The following CLYBL variants were observed in gnomAD, a reference collection of about 807,000 sequenced individuals.
CLYBL encodes citramalyl-CoA lyase, mitochondrial.
A neutral mutation model predicts 38.9 loss-of-function variants in CLYBL; 31 were observed. That is an observed-to-expected ratio of 0.80 (90% CI 0.60 to 1.08). The LOEUF (loss-of-function observed/expected upper bound fraction) is 1.08. CLYBL is among the 50% of genes least tolerant of loss of function. CLYBL has a pLI of 0.00. For missense variants in CLYBL, 434 were observed against 411.6 expected, an observed-to-expected ratio of 1.05 and a Z score of -0.47; for synonymous variants, 171 against 158.6, an observed-to-expected ratio of 1.08 and a Z score of -0.59.
At chr13:99,885,175 C>T (rs2052319628) in intron 7 of CLYBL, 1 of 482,600 alleles carries the variant, frequency 2.1e-6, no homozygotes, top group Admixed American at 2.3e-5. Flanking sequence ...TAAACAAATA[C>T]TCTCACTAGA....
At chr13:99,863,329 G>T (rs2051656153) in intron 4 of CLYBL, among the ~76,000 whole-genome samples, 3 of 152,180 alleles carry the variant, frequency 2.0e-5, no homozygotes, top group African/African-American at 7.2e-5. Context: ...ATATTTAAAT[G>T]AAGCATTTGT....
intron 1 of CLYBL, among the ~76,000 whole-genome samples, chr13:99,733,050 A>G (rs1465244189): frequency 6.6e-6 from 1 of 152,246 alleles, no homozygotes; most frequent in African/African-American, 2.4e-5. Flanking sequence ...TCATGTATAT[A>G]TTTAATTCGC....
intron 2 of CLYBL, among the ~76,000 whole-genome samples, chr13:99,836,708 C>G (rs1191384057): frequency 1.3e-5 from 2 of 152,212 alleles, no homozygotes; most frequent in African/African-American, 4.8e-5. Flanking sequence ...AACAATGCCA[C>G]TTAAATCATT....
At position 99,864,871 on chromosome 13, in the gene CLYBL, T is replaced by C. The variant is rs750840828; in HGVS notation, c.594T>C (p.Asp198=). 1 of 1,614,080 alleles carries C rather than the reference T, an allele frequency of 6.2e-7. No individual in the cohort carries two copies. Among genetic ancestry groups the C allele is most frequent in the Non-Finnish European group, 8.5e-7 (1 of 1,179,954 alleles). The change falls in exon 5 of 9, where the codon GAT becomes GAC. Residue 198 remains aspartate (D), a synonymous_variant. Transcript: ENST00000339105. ...GGCCTCAAGTAGGTCTCTTTCTAGA[T>C]GCAGTCGTTTTTGGAGGAGAAGACT... ...KVGPQVGLFL[D]AVVFGGEDFR...
chr13:99,707,338 C>T (rs537269366), intron 1 of CLYBL, among the ~76,000 whole-genome samples: 2 of 152,130 alleles, frequency 1.3e-5, no homozygotes, highest in African/African-American at 2.4e-5. Context: ...GGTGCGATCT[C>T]GGCTCACTGC....
chr13:99,696,628 C>G (rs976081522), intron 1 of CLYBL, among the ~76,000 whole-genome samples: 1 of 151,790 alleles, frequency 6.6e-6, no homozygotes, highest in Non-Finnish European at 1.5e-5. Context: ...CCTAGGAGGC[C>G]TAGACTTGGG....
At chr13:99,694,973 A>G (rs1336773347) in intron 1 of CLYBL, among the ~76,000 whole-genome samples, 7 of 152,250 alleles carry the variant, frequency 4.6e-5, no homozygotes, top group East Asian at 1.9e-4. Context: ...GTTAATCATC[A>G]TGGGGGCCTC....
intron 2 of CLYBL, among the ~76,000 whole-genome samples, chr13:99,792,889 A>C (rs1214984745): frequency 6.9e-6 from 1 of 145,024 alleles, no homozygotes. Flanking sequence ...GCTTATTATT[A>C]GTCTTTATTA....
chr13:99,698,103 G>A (rs1314463354), intron 1 of CLYBL, among the ~76,000 whole-genome samples: 1 of 152,220 alleles, frequency 6.6e-6, no homozygotes, highest in African/African-American at 2.4e-5. Flanking sequence ...CAGGACACAT[G>A]AAACAAATCT....
intron 2 of CLYBL, among the ~76,000 whole-genome samples, chr13:99,807,356 G>A (rs1324148863): frequency 2.0e-5 from 3 of 152,206 alleles, no homozygotes; most frequent in Non-Finnish European, 4.4e-5. Context: ...CTGGTATTCA[G>A]TTATCCATAA....
intron 1 of CLYBL, among the ~76,000 whole-genome samples, chr13:99,649,726 G>A (rs1291333361): frequency 3.3e-5 from 5 of 152,068 alleles, no homozygotes; most frequent in Non-Finnish European, 7.4e-5. Flanking sequence ...TTAGCCACAT[G>A]TAGTGGTGGG....
intron 9 of CLYBL, among the ~76,000 whole-genome samples, chr13:99,907,679 T>A (rs1428879904): frequency 6.6e-6 from 1 of 152,070 alleles, no homozygotes; most frequent in African/African-American, 2.4e-5. Flanking sequence ...CAACGTAGCA[T>A]GACCCCTCTA....
chr13:99,674,949 G>T (rs922091385), intron 1 of CLYBL, among the ~76,000 whole-genome samples: 1 of 152,172 alleles, frequency 6.6e-6, no homozygotes, highest in African/African-American at 2.4e-5. Flanking sequence ...TGCAAGGATG[G>T]CATGAGCCCA....
At chr13:99,677,131 G>A (rs2047665084) in intron 1 of CLYBL, among the ~76,000 whole-genome samples, 1 of 152,210 alleles carries the variant, frequency 6.6e-6, no homozygotes, top group Non-Finnish European at 1.5e-5. Context: ...GTTCCTGGAG[G>A]TAATGCAATA....
intron 1 of CLYBL, among the ~76,000 whole-genome samples, chr13:99,735,120 A>G (rs972716460): frequency 6.6e-6 from 1 of 152,176 alleles, no homozygotes; most frequent in Non-Finnish European, 1.5e-5. Flanking sequence ...TTTTGAAGGG[A>G]AAAAAAGATA....
At chr13:99,712,482 G>A (rs150486964) in intron 1 of CLYBL, among the ~76,000 whole-genome samples, 4,965 of 151,530 alleles carry the variant, frequency 0.033, 101 homozygotes, top group African/African-American at 0.05. Context: ...ATACAGGTGC[G>A]TGCCACCATA....
chr13:99,607,928 G>A (rs1280003354), intron 1 of CLYBL, among the ~76,000 whole-genome samples: 1 of 152,104 alleles, frequency 6.6e-6, no homozygotes, highest in Non-Finnish European at 1.5e-5. Flanking sequence ...ATTTTTAGTA[G>A]AGACAGAGTT....
chr13:99,882,923 C>G (rs189474862), intron 7 of CLYBL, among the ~76,000 whole-genome samples: 23 of 152,064 alleles, frequency 1.5e-4, no homozygotes, highest in African/African-American at 4.8e-4. Context: ...CTGTGCCAGA[C>G]AATCCATCCA....
chr13:99,784,926 T>C (rs1445624923), intron 2 of CLYBL, among the ~76,000 whole-genome samples: 3 of 152,178 alleles, frequency 2.0e-5, no homozygotes, highest in Admixed American at 6.5e-5. Flanking sequence ...AGTCTTACTC[T>C]GTCGCCCAGG....
Sources: allele counts gnomAD v4.1 joint callset (sites outside exome capture counted in the v4.1 genomes callset), GRCh38; gene constraint gnomAD v4.1.1; transcripts MANE v1.5; gene names NCBI Gene and HGNC (gene_info 2026-07-23, HGNC 2026-07-21).